The following AFF3 variants were observed in gnomAD, a reference collection of about 807,000 sequenced individuals.
The protein encoded by AFF3 is AF4/FMR2 family member 3.
AFF3 carries 32 observed loss-of-function variants against 129.7 expected under a neutral mutation model. The observed-to-expected ratio is 0.25, with a 90% CI of 0.19 to 0.33. The LOEUF (loss-of-function observed/expected upper bound fraction) is 0.33, where lower values mean the gene tolerates loss of function less well. Ranked by LOEUF, AFF3 falls within the 10% of genes least tolerant of loss-of-function variation. The pLI is 1.00. For missense variants in AFF3, 1,373 were observed against 1,592.0 expected (o/e 0.86, Z 2.34); for synonymous variants, 644 against 635.4 (o/e 1.01, Z -0.20).
chr2:99,948,833 C>A (rs985010479), intron 7 of AFF3, among the ~76,000 whole-genome samples: 2 of 152,126 alleles, frequency 1.3e-5, no homozygotes, highest in Non-Finnish European at 2.9e-5. Context: ...GAGCTCACAA[C>A]AAGATCCAAT....
chr2:99,654,659 A>G (rs1250078389), intron 12 of AFF3, among the ~76,000 whole-genome samples: 2 of 152,192 alleles, frequency 1.3e-5, no homozygotes, highest in Non-Finnish European at 2.9e-5. Flanking sequence ...TCTCAGCAAA[A>G]TAGGTTGAGA....
At chr2:99,717,460 A>C (rs527263134) in intron 11 of AFF3, among the ~76,000 whole-genome samples, 1 of 152,228 alleles carries the variant, frequency 6.6e-6, no homozygotes, top group African/African-American at 2.4e-5. Flanking sequence ...TTTAATTTGT[A>C]TTTCCCTAAA....
intron 19 of AFF3, among the ~76,000 whole-genome samples, chr2:99,566,114 A>T (rs560503339): frequency 6.6e-6 from 1 of 151,664 alleles, no homozygotes; most frequent in African/African-American, 2.4e-5. Flanking sequence ...CCTCTTCTCA[A>T]TTTTTTTTAA....
chr2:100,057,642 A>G (rs1400490805), intron 4 of AFF3, among the ~76,000 whole-genome samples: 1 of 152,136 alleles, frequency 6.6e-6, no homozygotes, highest in African/African-American at 2.4e-5. Context: ...AGAATGTCAC[A>G]TCTTGTTTTC....
At chr2:99,722,172 C>T (rs1288202244) in intron 11 of AFF3, among the ~76,000 whole-genome samples, 2 of 152,090 alleles carry the variant, frequency 1.3e-5, no homozygotes, top group African/African-American at 4.8e-5. Flanking sequence ...CCTTTACATC[C>T]TTGGACATAT....
chr2:99,760,589 C>T (rs1046792525), intron 8 of AFF3, among the ~76,000 whole-genome samples: 3 of 152,176 alleles, frequency 2.0e-5, no homozygotes, highest in African/African-American at 7.2e-5. Context: ...GATCCCACGT[C>T]ACTGTAGCCA....
At chr2:99,613,895 T>C (rs532528828) in intron 13 of AFF3, among the ~76,000 whole-genome samples, 2 of 152,230 alleles carry the variant, frequency 1.3e-5, no homozygotes, top group African/African-American at 4.8e-5. Flanking sequence ...TTTGATCAAA[T>C]AGTCATTTAG....
At chr2:99,962,609 A>G (rs1269707900) in intron 7 of AFF3, among the ~76,000 whole-genome samples, 2 of 152,114 alleles carry the variant, frequency 1.3e-5, no homozygotes, top group African/African-American at 4.8e-5. Flanking sequence ...AAAATACTAT[A>G]ACAGAAATAA....
chr2:99,593,472 G>C lies in AFF3; in HGVS notation c.2189C>G (p.Thr730Ser). ...RAPVGSINAR[T>S]TSDIAKELEE... ...CAGCTCCTTGGCGATGTCACTGGTG[G>C]TCCTGGCGTTGATGGAGCCTACAGG... The change falls in exon 15 of 25, where the codon ACC becomes AGC. Residue 730 changes from threonine to serine, a missense_variant. Physicochemically the swap from Thr to Ser is moderately conservative, Grantham distance 58 (BLOSUM62 1). Coordinates refer to ENST00000672756, the MANE Select transcript of AFF3 (RefSeq NM_001386135.1). 19 of 1,614,002 alleles carry C rather than the reference G, an allele frequency of 1.2e-5. No homozygotes were observed. The highest frequency in any genetic ancestry group is 1.6e-5 in the Non-Finnish European group (19 of 1,180,022).
chr2:100,077,948 C>A (rs1339789218), intron 4 of AFF3, among the ~76,000 whole-genome samples: 1 of 152,212 alleles, frequency 6.6e-6, no homozygotes, highest in East Asian at 1.9e-4. Flanking sequence ...TGCTGGCTTT[C>A]TAATCCAGTT....
At chr2:99,831,438 T>G (rs1688511942) in intron 8 of AFF3, among the ~76,000 whole-genome samples, 1 of 152,214 alleles carries the variant, frequency 6.6e-6, no homozygotes, top group Admixed American at 6.5e-5. Flanking sequence ...GTTAGCTGGC[T>G]AGTACTGAAC....
chr2:100,070,057 G>A (rs58683655), intron 4 of AFF3, among the ~76,000 whole-genome samples: 13 of 152,194 alleles, frequency 8.5e-5, no homozygotes, highest in African/African-American at 3.1e-4. Flanking sequence ...TTGTGAAGTT[G>A]CTTCTACACA....
In AFF3 at chr2:99,578,462, A is replaced by G; in HGVS notation, c.2794-11T>C. 1 of 1,608,646 alleles carries G rather than the reference A, an allele frequency of 6.2e-7. No homozygotes were observed. The highest frequency in any genetic ancestry group is 8.5e-7 in the Non-Finnish European group (1 of 1,177,896). On this transcript the variant is annotated splice_polypyrimidine_tract_variant and intron_variant, in intron 17 of 24. Transcript: ENST00000672756. ...GTTGTGAGCTGCTTTCTAAACAACAAACAACACACATCTTTGAGAAATTGG... is the reference window on the plus strand; with the variant it reads ...GTTGTGAGCTGCTTTCTAAACAACAGACAACACACATCTTTGAGAAATTGG...
At chr2:99,554,614 G>A in intron 23 of AFF3, 69 bp downstream of exon 23, 1 of 1,611,814 alleles carries the variant, frequency 6.2e-7, no homozygotes, top group Admixed American at 1.7e-5. Context: ...GGAACAGAAA[G>A]CAAAGCGCAG....
intron 8 of AFF3, among the ~76,000 whole-genome samples, chr2:99,761,078 T>C (rs774010453): frequency 1.1e-4 from 17 of 151,830 alleles, no homozygotes; most frequent in Admixed American, 2.0e-4. Context: ...TTTTAGATAC[T>C]CCAGGTGATG....
At chr2:99,842,957 A>C (rs1689431058) in intron 7 of AFF3, among the ~76,000 whole-genome samples, 1 of 152,220 alleles carries the variant, frequency 6.6e-6, no homozygotes, top group South Asian at 2.1e-4. Flanking sequence ...GCATTCTAAA[A>C]TACTACTACT....
At chr2:99,813,707 C>G (rs570397072) in intron 8 of AFF3, among the ~76,000 whole-genome samples, 3 of 152,222 alleles carry the variant, frequency 2.0e-5, no homozygotes, top group South Asian at 4.1e-4. Context: ...TTCTCTGTAT[C>G]TAAGATGTCA....
At chr2:100,038,785 G>A (rs1419523809) in intron 4 of AFF3, among the ~76,000 whole-genome samples, 4 of 150,550 alleles carry the variant, frequency 2.7e-5, no homozygotes, top group South Asian at 4.2e-4. Context: ...GTGCAATGGC[G>A]TTATCTCAGC....
chr2:100,041,856 TATTACATGTA>T (rs1301821959), intron 4 of AFF3, among the ~76,000 whole-genome samples: 1 of 152,238 alleles, frequency 6.6e-6, no homozygotes, highest in African/African-American at 2.4e-5. Flanking sequence ...CACAGGCTAT[TATTACATGTA>T]ATTACATGCA....
Sources: gnomAD v4.1 joint callset for allele counts (sites outside exome capture counted in the v4.1 genomes callset) on GRCh38, gnomAD v4.1.1 for gene constraint, MANE v1.5 for transcripts, NCBI Gene and HGNC (gene_info 2026-07-23, HGNC 2026-07-21) for gene names.